The following FREM1 variants were observed in gnomAD, a reference collection of about 807,000 sequenced individuals.
FREM1 encodes the protein FRAS1-related extracellular matrix protein 1.
In FREM1, 220 loss-of-function variants were observed where a neutral mutation model predicts 210.1. The observed-to-expected ratio is 1.05, with a 90% CI of 0.94 to 1.17. The LOEUF (loss-of-function observed/expected upper bound fraction) is 1.17. Ranked by LOEUF, FREM1 falls within the 50% of genes most tolerant of loss-of-function variation. FREM1 has a pLI of 0.00. For synonymous variants in FREM1, 1,189 were observed against 980.2 expected, an observed-to-expected ratio of 1.21 and a Z score of -3.98; for missense variants, 3,454 against 2,675.5, an observed-to-expected ratio of 1.29 and a Z score of -6.42.
chr9:14,767,274 G>A (rs775370463), intron 27 of FREM1, among the ~76,000 whole-genome samples: 21 of 152,114 alleles, frequency 1.4e-4, no homozygotes, highest in Non-Finnish European at 2.6e-4. Context: ...TGAACTTTAA[G>A]GTCCTATATG....
At chr9:14,767,455 GA>G (rs1201944306) in intron 27 of FREM1, among the ~76,000 whole-genome samples, 1 of 152,132 alleles carries the variant, frequency 6.6e-6, no homozygotes, top group African/African-American at 2.4e-5. Flanking sequence ...TTTCCACTTA[GA>G]AAAGTCACTT....
At chr9:14,884,523 T>C (rs1453380863) in intron 1 of FREM1, among the ~76,000 whole-genome samples, 2 of 152,260 alleles carry the variant, frequency 1.3e-5, no homozygotes, top group Non-Finnish European at 2.9e-5. Context: ...TAAAGATTTC[T>C]TCAACCAAAC....
At chr9:14,803,327 C>CCCCTCCCCTCCCCTCCCCTA (rs758733762) in intron 19 of FREM1, among the ~76,000 whole-genome samples, 1 of 125,050 alleles carries the variant, frequency 8.0e-6, no homozygotes, top group Non-Finnish European at 1.7e-5. Flanking sequence ...CCCCTCCCCT[C>CCCCTCCCCTCCCCTCCCCTA]CCCTACCCTC....
intron 1 of FREM1, among the ~76,000 whole-genome samples, chr9:14,885,921 C>G (rs1835728856): frequency 6.6e-6 from 1 of 152,126 alleles, no homozygotes; most frequent in Non-Finnish European, 1.5e-5. Context: ...CTATAGTAGT[C>G]ATGTTGTACA....
chr9:14,858,839 A>G (rs1161581363), intron 4 of FREM1, among the ~76,000 whole-genome samples: 1 of 152,186 alleles, frequency 6.6e-6, no homozygotes. Context: ...GCTGACAATG[A>G]GTACCTACTG....
chr9:14,823,223 G>A lies in FREM1; in HGVS notation c.2274C>T (p.Gly758=), dbSNP rs12235714. The A allele has an allele frequency of 1.5e-5, 24 of 1,613,776 alleles. No homozygotes were observed. The highest frequency in any genetic ancestry group is 3.3e-4 in the Middle Eastern group (2 of 6,062). The stretch of plus-strand genomic sequence containing the variant: ...TAAAGCAGATCCCATGCAAAGTACC[G>A]CCATGTTGGTTACTGACAGAAAATG... The part of the protein sequence containing the change: ...QFTFSVSNQH[G]GTLHGICFNI... The change falls in exon 13 of 37, where the codon GGC becomes GGT. Residue 758 remains glycine, a synonymous_variant. Coordinates refer to ENST00000380880, the MANE Select transcript of FREM1 (RefSeq NM_001379081.2).
chr9:14,843,594 A>G (rs1451586570), intron 8 of FREM1, among the ~76,000 whole-genome samples: 4 of 152,210 alleles, frequency 2.6e-5, no homozygotes, highest in Non-Finnish European at 4.4e-5. Context: ...TTACTAATAC[A>G]AATACTTACC....
intron 21 of FREM1, among the ~76,000 whole-genome samples, chr9:14,796,207 G>A (rs1051082206): frequency 2.0e-5 from 3 of 152,146 alleles, no homozygotes; most frequent in Non-Finnish European, 4.4e-5. Context: ...TTTCTGCAGA[G>A]TGGAAGAGAT....
At chr9:14,739,153 G>C (rs1308368659) in intron 36 of FREM1, among the ~76,000 whole-genome samples, 2 of 151,528 alleles carry the variant, frequency 1.3e-5, no homozygotes, top group South Asian at 4.2e-4. Context: ...GCCTAGGCTG[G>C]AATGCAGTGG....
intron 35 of FREM1, among the ~76,000 whole-genome samples, chr9:14,742,643 T>C (rs1364029186): frequency 6.6e-6 from 1 of 152,190 alleles, no homozygotes; most frequent in African/African-American, 2.4e-5. Flanking sequence ...ATTTGTTAAA[T>C]GAATGTATCT....
intron 24 of FREM1, chr9:14,782,310 T>C: frequency 2.1e-6 from 2 of 948,572 alleles, no homozygotes; most frequent in Non-Finnish European, 2.5e-6. Context: ...ATTTTTACAG[T>C]ATTGCCAATC....
intron 1 of FREM1, among the ~76,000 whole-genome samples, chr9:14,880,132 G>T (rs1316950507): frequency 8.5e-5 from 13 of 152,066 alleles, no homozygotes; most frequent in Admixed American, 8.5e-4. Context: ...ACAACAAGAG[G>T]GTTTCCCTCT....
At chr9:14,746,097 G>GCT (rs1449428157) in intron 35 of FREM1, among the ~76,000 whole-genome samples, 1 of 152,122 alleles carries the variant, frequency 6.6e-6, no homozygotes, top group African/African-American at 2.4e-5. Flanking sequence ...ACAGAAAAGA[G>GCT]CTCAGTCAAA....
intron 35 of FREM1, among the ~76,000 whole-genome samples, chr9:14,741,539 G>A (rs1287686624): frequency 6.6e-6 from 1 of 152,090 alleles, no homozygotes; most frequent in Non-Finnish European, 1.5e-5. Flanking sequence ...CAGGTATGAT[G>A]AGGCATCTCC....
At chr9:14,773,362 T>C (rs955760406) in intron 25 of FREM1, among the ~76,000 whole-genome samples, 15 of 152,190 alleles carry the variant, frequency 9.9e-5, no homozygotes, top group Non-Finnish European at 2.9e-5. Flanking sequence ...ACCAGAAGAA[T>C]AGTTTACCCA....
intron 30 of FREM1, among the ~76,000 whole-genome samples, chr9:14,748,870 A>G (rs1345360321): frequency 6.6e-6 from 1 of 152,194 alleles, no homozygotes; most frequent in Non-Finnish European, 1.5e-5. Flanking sequence ...CATGAAATCA[A>G]TTTCATAAAC....
rs1430272435 is a variant in FREM1, at chr9:14,862,020, A to C, written c.329+1789T>G. On this transcript the variant is annotated intron_variant, in intron 3 of 36. Coordinates refer to ENST00000380880, the MANE Select transcript of FREM1 (RefSeq NM_001379081.2). ...CGCTCCGCGCAAGTTCTTTGAAGTT[A>C]TTTGTTTTTTAACTCTAAAGTCTTA... Among the ~76,000 whole-genome samples the C allele has an allele frequency of 2.6e-5, 4 of 152,120 alleles. No homozygotes were observed. The South Asian group carries it at 8.3e-4, about 32-fold the overall frequency.
chr9:14,737,390 T>C lies in FREM1; in HGVS notation c.*6A>G, dbSNP rs772792277. On this transcript the variant is annotated 3_prime_UTR_variant, in exon 37 of 37. Coordinates refer to ENST00000380880, the MANE Select transcript of FREM1 (RefSeq NM_001379081.2). The stretch of plus-strand genomic sequence containing the variant: ...TCCAGGTGGCCCCCTGTAGGGTCTG[T>C]TATATTTAGAGTTTTCTGGAACACA... The C allele has an allele frequency of 9.3e-6, 15 of 1,611,482 alleles. No homozygotes were observed. The highest frequency in any genetic ancestry group is 1.3e-5 in the Non-Finnish European group (15 of 1,178,184).
intron 13 of FREM1, among the ~76,000 whole-genome samples, chr9:14,822,767 G>A (rs764081220): frequency 6.6e-6 from 1 of 152,172 alleles, no homozygotes; most frequent in Non-Finnish European, 1.5e-5. Flanking sequence ...AAATTAAAGA[G>A]CTTCTTTAGA....
Sources: gnomAD v4.1 joint callset for allele counts (sites outside exome capture counted in the v4.1 genomes callset) on GRCh38, gnomAD v4.1.1 for gene constraint, MANE v1.5 for transcripts, NCBI Gene and HGNC (gene_info 2026-07-23, HGNC 2026-07-21) for gene names.